Variants in VRTN observed in about 807,000 individuals in gnomAD.
The protein encoded by VRTN is vertnin.
A neutral mutation model predicts 18.2 loss-of-function variants in VRTN; 5 were observed. The observed-to-expected ratio is 0.27, with a 90% CI of 0.14 to 0.58. The LOEUF (loss-of-function observed/expected upper bound fraction) is 0.58. VRTN is among the 20% of genes least tolerant of loss of function. The probability of loss-of-function intolerance (pLI) is 0.91; values close to 1 mark genes in which losing one functional copy is unlikely to be tolerated. For missense variants in VRTN, 741 were observed against 939.4 expected (o/e 0.79, Z 2.76); for synonymous variants, 381 against 393.7 (o/e 0.97, Z 0.38).
upstream of VRTN, among the ~76,000 whole-genome samples, chr14:74,347,714 T>A (rs1453464537): frequency 6.6e-6 from 1 of 152,186 alleles, no homozygotes; most frequent in East Asian, 1.9e-4. Context: ...CTGGGATTAT[T>A]TGAGGCCCCT....
upstream of VRTN, chr14:74,302,994 C>T: frequency 7.2e-7 from 1 of 1,379,804 alleles, no homozygotes; most frequent in Non-Finnish European, 9.6e-7. Flanking sequence ...GGGGCCCCGG[C>T]TACCACAGAG....
chr14:74,349,568 C>T (rs902163835), intron 1 of VRTN, among the ~76,000 whole-genome samples: 1 of 152,140 alleles, frequency 6.6e-6, no homozygotes, highest in Non-Finnish European at 1.5e-5. Context: ...TAAGCTAGAG[C>T]CCAGAATGAG....
At chr14:74,334,580 T>A (rs1432826216) in intron 1 of VRTN, among the ~76,000 whole-genome samples, 1 of 152,182 alleles carries the variant, frequency 6.6e-6, no homozygotes, top group Non-Finnish European at 1.5e-5. Context: ...TTTGTGACCC[T>A]GAGTCTGAGA....
chr14:74,355,757 C>T (rs1407770288), intron 1 of VRTN, among the ~76,000 whole-genome samples: 1 of 151,422 alleles, frequency 6.6e-6, no homozygotes, highest in Non-Finnish European at 1.5e-5. Flanking sequence ...GCCAGGCTGG[C>T]CTCAAACTCC....
chr14:74,358,826 T>C lies in VRTN; in HGVS notation c.2043T>C (p.Thr681=). ...YKEFSALFPL[T]ARSTYYMWKR... is the part of the protein sequence containing the mutation. ...AGTTCAGTGCCCTCTTTCCCCTCAC[T>C]GCCCGCTCCACATACTACATGTGGA... Residue 681 remains threonine, a synonymous_variant, in exon 2 of 2, where the codon ACT becomes ACC. Transcript: ENST00000256362. This position sits in a 1 kb window ranked among gnomAD's most constrained non-coding sequence, Gnocchi z 5.4. 2.5e-6 allele frequency: 4 copies of C among 1,614,214 alleles called. No homozygotes were observed. The highest frequency in any genetic ancestry group is 3.4e-6 in the Non-Finnish European group (4 of 1,180,020).
intron 1 of VRTN, among the ~76,000 whole-genome samples, chr14:74,304,923 G>T: frequency 6.6e-6 from 1 of 152,198 alleles, no homozygotes; most frequent in South Asian, 2.1e-4. Flanking sequence ...CACCTCTCTA[G>T]GGTAATCTAG....
chr14:74,329,876 C>CTTTTTTTTT (rs61567546), intron 1 of VRTN, among the ~76,000 whole-genome samples: 2 of 135,520 alleles, frequency 1.5e-5, no homozygotes, highest in Admixed American at 7.5e-5. Flanking sequence ...CGGGCCTGGG[C>CTTTTTTTTT]TTTTTTTTTT....
chr14:74,303,843 ATTTTTTTTTTTTTTTT>A (rs67822776), intron 1 of VRTN, among the ~76,000 whole-genome samples: 1 of 88,498 alleles, frequency 1.1e-5, no homozygotes, highest in Non-Finnish European at 2.0e-5. Context: ...ACAATTACAG[ATTTTTTTTTTTTTTTT>A]TTTTTTTTTG....
rs773509797 is a variant in VRTN at position 74,357,180 on chromosome 14, G to A, written c.397G>A (p.Val133Met). ...MIDSKVMLQA[V>M]RYSLCSEESP... ...CGACTCCAAAGTGATGCTGCAGGCCGTGCGCTACTCCCTATGCTCTGAGGA... is the reference window on the plus strand; with the variant it reads ...CGACTCCAAAGTGATGCTGCAGGCCATGCGCTACTCCCTATGCTCTGAGGA... Residue 133 changes from valine (V) to methionine (M), a missense_variant, in exon 2 of 2, where the codon GTG becomes ATG. Physicochemically the swap from Val to Met is conservative, Grantham distance 21. This residue lies in a region of VRTN where 186 missense variants were observed against 288.3 expected (regional missense o/e 0.65). Transcript: ENST00000256362. The surrounding 1 kb of genome is among the most constrained non-coding windows in gnomAD (Gnocchi z 7.8). 3.3e-5 allele frequency: 53 copies of A among 1,602,478 alleles called. 1 individual carries two copies. In the South Asian group the frequency reaches 4.3e-4, roughly 13 times the overall value.
intron 1 of VRTN, among the ~76,000 whole-genome samples, chr14:74,349,744 G>C (rs2085671456): frequency 6.6e-6 from 1 of 152,168 alleles, no homozygotes; most frequent in Admixed American, 6.5e-5. Context: ...AATAAAGAAT[G>C]GGGGAGCGGG....
At chr14:74,311,707 G>T (rs1193442110) in intron 1 of VRTN, among the ~76,000 whole-genome samples, 2 of 151,724 alleles carry the variant, frequency 1.3e-5, no homozygotes, top group Non-Finnish European at 2.9e-5. Context: ...ACCGCTCCCG[G>T]CCGCAGCTTT....
chr14:74,307,704 CAG>C (rs2085362631), intron 1 of VRTN, among the ~76,000 whole-genome samples: 2 of 152,018 alleles, frequency 1.3e-5, no homozygotes, highest in South Asian at 4.2e-4. Flanking sequence ...GTTTATATTT[CAG>C]AGTTATCTTT....
chr14:74,328,192 G>T (rs1310327202), intron 1 of VRTN, among the ~76,000 whole-genome samples: 2 of 152,112 alleles, frequency 1.3e-5, no homozygotes, highest in African/African-American at 4.8e-5. Context: ...TACCCTGCAG[G>T]GTGAGGACGG....
intron 1 of VRTN, among the ~76,000 whole-genome samples, chr14:74,310,870 G>C (rs547077958): frequency 1.3e-4 from 20 of 151,156 alleles, no homozygotes; most frequent in African/African-American, 4.9e-4. Context: ...AAAAAATTTG[G>C]GGGGGTAAAG....
chr14:74,355,561 G>T (rs1017584556), intron 1 of VRTN, among the ~76,000 whole-genome samples: 5 of 152,062 alleles, frequency 3.3e-5, no homozygotes, highest in Non-Finnish European at 7.4e-5. Context: ...TTGAGACAGA[G>T]TCTCGGTCTG....
chr14:74,356,666 G>A (rs963685059), intron 1 of VRTN, 117 bp from the exon 2 acceptor site: 33 of 1,361,278 alleles, frequency 2.4e-5, no homozygotes, highest in Non-Finnish European at 2.9e-5. Context: ...GTGGGAGGAC[G>A]GGAGCAGATA....
intron 1 of VRTN, among the ~76,000 whole-genome samples, chr14:74,350,525 T>C (rs536182602): frequency 6.6e-6 from 1 of 152,246 alleles, no homozygotes; most frequent in East Asian, 1.9e-4. Context: ...CTCAATTTCC[T>C]TATCTGTAAA....
chr14:74,317,757 G>A (rs373964949), intron 1 of VRTN, among the ~76,000 whole-genome samples: 18 of 152,142 alleles, frequency 1.2e-4, no homozygotes, highest in African/African-American at 4.1e-4. Context: ...AGCAGAGTTC[G>A]TGCCACTATA....
Position 74,357,949 on chromosome 14 carries a change from G to C in VRTN, c.1166G>C (p.Cys389Ser). 2 of 1,614,178 alleles carry C rather than the reference G, an allele frequency of 1.2e-6. No homozygotes were observed. Among genetic ancestry groups the C allele is most frequent in the Non-Finnish European group, 1.7e-6 (2 of 1,180,030 alleles). Residue 389 changes from cysteine (C) to serine (S), a missense_variant, in exon 2 of 2, where the codon TGC (cysteine) becomes TCC (serine). Transcript: ENST00000256362. This position sits in a 1 kb window ranked among gnomAD's most constrained non-coding sequence, Gnocchi z 7.8. ...CAGGTGGCTGAGGAGGAGCTGGAGT[G>C]CTCCGCACTGGCGGTGTCAAGCCCT... is the stretch of plus-strand genomic sequence containing the variant. ...EEQVAEEELE[C>S]SALAVSSPGM...
Sources: gnomAD v4.1 joint callset for allele counts (sites outside exome capture counted in the v4.1 genomes callset) on GRCh38, gnomAD v4.1.1 for gene constraint, gnomAD v4.1.1 regional missense constraint, Gnocchi (gnomAD v3.1) non-coding constraint, MANE v1.5 for transcripts, NCBI Gene and HGNC (gene_info 2026-07-23, HGNC 2026-07-21) for gene names.